PID1: variants seen among roughly 807,000 people sequenced by gnomAD.
The protein encoded by PID1 is phosphotyrosine interaction domain containing 1.
PID1 carries 10 observed loss-of-function variants against 19.1 expected under a neutral mutation model. The ratio of observed to expected loss-of-function variants is 0.52; its 90% CI spans 0.32 to 0.89. The LOEUF (loss-of-function observed/expected upper bound fraction) is 0.89, where lower values mean the gene tolerates loss of function less well. Ranked by LOEUF, PID1 falls within the 40% of genes least tolerant of loss-of-function variation. The pLI is 0.03. For synonymous variants in PID1, 130 were observed against 116.0 expected (o/e 1.12, Z -0.78); for missense variants, 248 against 285.3 (o/e 0.87, Z 0.94).
intron 2 of PID1, among the ~76,000 whole-genome samples, chr2:229,145,155 G>GTGTATATATA (rs1391018424): frequency 2.9e-4 from 35 of 119,936 alleles, no homozygotes; most frequent in African/African-American, 1.0e-3. Context: ...ATATGTATGT[G>GTGTATATATA]TATATATATA....
At chr2:229,210,317 C>A (rs971820677) in intron 1 of PID1, among the ~76,000 whole-genome samples, 5 of 151,480 alleles carry the variant, frequency 3.3e-5, no homozygotes, top group Non-Finnish European at 1.5e-5. Flanking sequence ...TCGAGACCAT[C>A]GTGGCTAACA....
intron 2 of PID1, among the ~76,000 whole-genome samples, chr2:229,086,624 T>G (rs1694772747): frequency 6.6e-6 from 1 of 152,114 alleles, no homozygotes; most frequent in African/African-American, 2.4e-5. Context: ...ATTAGGCGGC[T>G]CTTTCATTTT....
intron 2 of PID1, among the ~76,000 whole-genome samples, chr2:229,043,931 C>G (rs1353366515): frequency 1.3e-5 from 2 of 152,162 alleles, no homozygotes; most frequent in East Asian, 1.9e-4. Flanking sequence ...ACATCCAGCT[C>G]AAATCCTTTG....
intron 2 of PID1, among the ~76,000 whole-genome samples, chr2:229,134,231 GTTTTTTTT>G (rs60513006): frequency 3.7e-5 from 4 of 109,206 alleles, no homozygotes; most frequent in Non-Finnish European, 5.5e-5. Flanking sequence ...TACTACCTGT[GTTTTTTTT>G]TTTTTTTTTT....
chr2:229,040,954 T>A (rs1416889276), intron 2 of PID1, among the ~76,000 whole-genome samples: 1 of 152,240 alleles, frequency 6.6e-6, no homozygotes, highest in Non-Finnish European at 1.5e-5. Context: ...CACAGAACCC[T>A]GGGACATTAG....
At chr2:229,183,169 G>A (rs958932735) in intron 1 of PID1, among the ~76,000 whole-genome samples, 1 of 152,190 alleles carries the variant, frequency 6.6e-6, no homozygotes, top group Non-Finnish European at 1.5e-5. Flanking sequence ...AGACGCATGG[G>A]AGTACACCAT....
At chr2:229,201,777 T>C (rs890418838) in intron 1 of PID1, among the ~76,000 whole-genome samples, 1 of 152,106 alleles carries the variant, frequency 6.6e-6, no homozygotes, top group Non-Finnish European at 1.5e-5. Flanking sequence ...TCTACATTCT[T>C]ACCACCAATA....
At chr2:229,077,021 A>T (rs537955321) in intron 2 of PID1, among the ~76,000 whole-genome samples, 55 of 152,258 alleles carry the variant, frequency 3.6e-4, no homozygotes, top group Non-Finnish European at 6.6e-4. Flanking sequence ...AACAGTGTAA[A>T]AGCATTGCTA....
chr2:229,233,785 C>G (rs1014102386), intron 1 of PID1, among the ~76,000 whole-genome samples: 1 of 152,216 alleles, frequency 6.6e-6, no homozygotes, highest in African/African-American at 2.4e-5. Flanking sequence ...AGCCACCACA[C>G]CCAGCCTTGT....
chr2:229,145,148 T>A (rs1690100124), intron 2 of PID1, among the ~76,000 whole-genome samples: 2 of 85,200 alleles, frequency 2.3e-5, no homozygotes, highest in Admixed American at 2.9e-4. Context: ...TTTAAATATA[T>A]GTATGTGTAT....
chr2:229,156,082 C>A, intron 1 of PID1, 118 bp from the exon 2 acceptor site: 1 of 835,524 alleles, frequency 1.2e-6, no homozygotes, highest in Non-Finnish European at 1.8e-6. Context: ...TAGGGGAGGC[C>A]AAGAGATATT....
At chr2:229,030,592 T>TCC (rs1385670902) in intron 2 of PID1, among the ~76,000 whole-genome samples, 9 of 152,306 alleles carry the variant, frequency 5.9e-5, no homozygotes, top group South Asian at 2.1e-4. Context: ...ACACTTTCTC[T>TCC]CTCTCTGATA....
intron 2 of PID1, among the ~76,000 whole-genome samples, chr2:229,121,939 A>G (rs1353121021): frequency 6.6e-6 from 1 of 152,176 alleles, no homozygotes; most frequent in East Asian, 1.9e-4. Context: ...AGAGATTGGG[A>G]GTAATAGGGA....
intron 2 of PID1, among the ~76,000 whole-genome samples, chr2:229,129,886 G>A (rs1194546281): frequency 6.6e-6 from 1 of 152,082 alleles, no homozygotes; most frequent in East Asian, 1.9e-4. Context: ...ATGAAAATCT[G>A]TCCTGCTGCC....
intron 2 of PID1, among the ~76,000 whole-genome samples, chr2:229,050,296 C>A (rs1693968262): frequency 6.6e-6 from 1 of 152,156 alleles, no homozygotes; most frequent in South Asian, 2.1e-4. Context: ...AGGGCCATGA[C>A]TGATGAAAAC....
intron 2 of PID1, among the ~76,000 whole-genome samples, chr2:229,150,013 G>A (rs1361618770): frequency 2.0e-5 from 3 of 152,054 alleles, no homozygotes; most frequent in Non-Finnish European, 4.4e-5. Flanking sequence ...CGAGGCGGGT[G>A]GATCACTTGA....
intron 2 of PID1, among the ~76,000 whole-genome samples, chr2:229,098,416 A>G (rs994990180): frequency 6.6e-6 from 1 of 152,182 alleles, no homozygotes; most frequent in Non-Finnish European, 1.5e-5. Flanking sequence ...GACTTCTCAG[A>G]GCCTTGAAAT....
At chr2:229,265,245 G>A (rs576034015) in intron 1 of PID1, among the ~76,000 whole-genome samples, 22 of 152,140 alleles carry the variant, frequency 1.4e-4, no homozygotes, top group Non-Finnish European at 2.5e-4. Context: ...TGAAACATAA[G>A]AGGGCAGAGG....
At chr2:229,166,574 A>G (rs757041895) in intron 1 of PID1, among the ~76,000 whole-genome samples, 1 of 152,164 alleles carries the variant, frequency 6.6e-6, no homozygotes. Context: ...ATAAATTCTG[A>G]CCTCTAACAT....
Sources: allele counts gnomAD v4.1 joint callset (sites outside exome capture counted in the v4.1 genomes callset), GRCh38; gene constraint gnomAD v4.1.1; transcripts MANE v1.5; gene names NCBI Gene and HGNC (gene_info 2026-07-23, HGNC 2026-07-21).